Variants in ALK observed in about 807,000 individuals in gnomAD.
ALK encodes the protein ALK receptor tyrosine kinase.
Under a neutral mutation model 163.1 loss-of-function variants are expected in ALK, and 74 were observed. The ratio of observed to expected loss-of-function variants is 0.45; its 90% CI spans 0.38 to 0.55. The LOEUF (loss-of-function observed/expected upper bound fraction) is 0.55. Among genes scored for constraint, ALK ranks in the 20% least tolerant of loss-of-function variants. The pLI is 0.00. For synonymous variants in ALK, 960 were observed against 843.2 expected (o/e 1.14, Z -2.40); for missense variants, 2,063 against 2,105.3 (o/e 0.98, Z 0.39).
At chr2:29,804,445 C>T (rs1309848358) in intron 1 of ALK, among the ~76,000 whole-genome samples, 1 of 152,156 alleles carries the variant, frequency 6.6e-6, no homozygotes. Flanking sequence ...ACTTTCAAAC[C>T]CTCACCTCAT....
intron 3 of ALK, among the ~76,000 whole-genome samples, chr2:29,581,536 C>T (rs991548541): frequency 7.9e-5 from 12 of 152,328 alleles, no homozygotes; most frequent in South Asian, 4.1e-4. Flanking sequence ...ATATCCACTT[C>T]CCACCAGCTC....
rs542577748 is a variant in ALK at position 29,328,579 on chromosome 2, C to A, written c.1283-98G>T. On this transcript the variant is annotated intron_variant, in intron 5 of 28. Coordinates refer to ENST00000389048, the MANE Select transcript of ALK (RefSeq NM_004304.5). ...TCCCATGGGCAGGCTGCAGGGACAG[C>A]ATTATCCTGCCCTGCCATTCACACT... 7 of 1,484,962 alleles carry A rather than the reference C, an allele frequency of 4.7e-6. No homozygotes were observed. The African/African-American group carries it at 6.9e-5, about 15-fold the overall frequency. The allele number at this position is 1,484,962 out of a possible 1,614,324, so 92.0% of individuals were successfully genotyped here. A position where few individuals can be genotyped will look rare whatever the true frequency, so the allele number is the denominator to read the frequency against.
intron 2 of ALK, among the ~76,000 whole-genome samples, chr2:29,706,804 G>C (rs994279683): frequency 2.0e-5 from 3 of 152,192 alleles, no homozygotes; most frequent in African/African-American, 7.2e-5. Context: ...AGGTTAACTA[G>C]CTCAGCTTCT....
chr2:29,524,777 T>C (rs1051060540), intron 4 of ALK, among the ~76,000 whole-genome samples: 2 of 151,362 alleles, frequency 1.3e-5, no homozygotes, highest in Admixed American at 6.6e-5. Flanking sequence ...CAATGGATGA[T>C]AGATGGATTA....
chr2:29,759,369 G>C (rs1434217542), intron 1 of ALK, among the ~76,000 whole-genome samples: 1 of 152,196 alleles, frequency 6.6e-6, no homozygotes, highest in Admixed American at 6.5e-5. Context: ...AGACCTCCAT[G>C]AGGTACTAAG....
At chr2:29,408,120 T>A (rs77256313) in intron 4 of ALK, among the ~76,000 whole-genome samples, 18,535 of 149,560 alleles carry the variant, frequency 0.12, 1,452 homozygotes, top group East Asian at 0.26. Flanking sequence ...TCTCGCTCTG[T>A]CACCCAGGCT....
At position 29,374,102 on chromosome 2, in the gene ALK, C is replaced by G. The variant is rs570902329; in HGVS notation, c.1282+9630G>C. Reference sequence around the variant, plus strand: ...GCAGATGTGAACCTGTAAACATACCCCAGGATAGTTGTGCAGAATTATTCA... The same window carrying G: ...GCAGATGTGAACCTGTAAACATACCGCAGGATAGTTGTGCAGAATTATTCA... On this transcript the variant is annotated intron_variant, in intron 5 of 28. Coordinates refer to ENST00000389048, the MANE Select transcript of ALK (RefSeq NM_004304.5). Among the ~76,000 whole-genome samples, 8 of 152,210 alleles carry G rather than the reference C, an allele frequency of 5.3e-5. No homozygotes were observed. In the East Asian group the frequency reaches 1.4e-3, roughly 26 times the overall value.
chr2:29,300,546 C>T (rs1012921807), intron 8 of ALK, among the ~76,000 whole-genome samples: 2 of 90,700 alleles, frequency 2.2e-5, no homozygotes, highest in African/African-American at 7.7e-5. Flanking sequence ...CAGAGCAAGA[C>T]TCTGTCTCAA....
In ALK at chr2:29,223,299, A is replaced by G. The variant is rs1372934119; in HGVS notation, c.3359+43T>C. 3.7e-6 allele frequency: 6 copies of G among 1,608,034 alleles called. No homozygotes were observed. The African/African-American group carries it at 6.7e-5, about 18-fold the overall frequency. On this transcript the variant is annotated intron_variant, in intron 20 of 28. Transcript: ENST00000389048. The stretch of plus-strand genomic sequence containing the variant: ...GGTGCTGTGATAACATTCAGCCCCT[A>G]CACTGCACCCCTCTCCTCCCAGGAC...
intron 1 of ALK, among the ~76,000 whole-genome samples, chr2:29,857,119 A>G (rs539244363): frequency 7.2e-5 from 11 of 152,336 alleles, no homozygotes; most frequent in African/African-American, 2.6e-4. Flanking sequence ...CTTGTTTATA[A>G]ATAACCTAGA....
At position 29,920,266 on chromosome 2, in the gene ALK, C is replaced by T. The variant is rs1262491330; in HGVS notation, c.394G>A (p.Val132Met). Residue 132 changes from valine (V) to methionine (M), a missense_variant, in exon 1 of 29, where the codon GTG becomes ATG. Val to Met is a conservative substitution (Grantham distance 21). This residue lies in a region of ALK where 987 missense variants were observed against 939.5 expected (regional missense o/e 1.05). Coordinates refer to ENST00000389048, the MANE Select transcript of ALK (RefSeq NM_004304.5). ...TLSRVLKGGSVRKLRRAKQLV... is the reference protein window; with the variant it reads ...TLSRVLKGGSMRKLRRAKQLV... ...TGCTTGGCACGCCGGAGCTTGCGCA[C>T]GGAGCCGCCCTTCAGCACCCTGGAC... 6.3e-7 allele frequency: 1 copy of T among 1,597,400 alleles called. No homozygotes were observed. The highest frequency in any genetic ancestry group is 1.3e-5 in the African/African-American group (1 of 74,782).
intron 4 of ALK, among the ~76,000 whole-genome samples, chr2:29,463,741 G>A (rs1671140228): frequency 6.6e-6 from 1 of 152,190 alleles, no homozygotes; most frequent in Non-Finnish European, 1.5e-5. Flanking sequence ...TGAGTGTTCT[G>A]GAAATCTGTA....
intron 2 of ALK, among the ~76,000 whole-genome samples, chr2:29,710,703 G>C (rs764295221): frequency 6.6e-6 from 1 of 152,110 alleles, no homozygotes; most frequent in South Asian, 2.1e-4. Context: ...GTAGAGACAG[G>C]GTTTCACCAT....
At chr2:29,584,384 G>C (rs1457878882) in intron 3 of ALK, among the ~76,000 whole-genome samples, 2 of 152,166 alleles carry the variant, frequency 1.3e-5, no homozygotes, top group Non-Finnish European at 2.9e-5. Flanking sequence ...CAGGAATTTT[G>C]CAGTGAAATT....
chr2:29,823,477 G>A (rs972581053), intron 1 of ALK, among the ~76,000 whole-genome samples: 1 of 152,188 alleles, frequency 6.6e-6, no homozygotes, highest in Non-Finnish European at 1.5e-5. Context: ...ACTCCCTAAA[G>A]ACTTGTTGAA....
At chr2:29,739,410 T>C (rs994148703) in intron 1 of ALK, among the ~76,000 whole-genome samples, 3 of 151,618 alleles carry the variant, frequency 2.0e-5, no homozygotes, top group African/African-American at 7.3e-5. Flanking sequence ...ATACAAAAAT[T>C]AGCTGAGCGT....
At chr2:29,775,456 T>C (rs1681146296) in intron 1 of ALK, among the ~76,000 whole-genome samples, 2 of 151,806 alleles carry the variant, frequency 1.3e-5, no homozygotes, top group Non-Finnish European at 2.9e-5. Flanking sequence ...AATGAAGCCT[T>C]AGATGTTATA....
At position 29,192,996 on chromosome 2, in the gene ALK, T is replaced by A; in HGVS notation, c.*228A>T. ...ATGCAACCACATCTGGGCCTTGTAT[T>A]TATCACTCATTTTTATGATATTTTC... is the stretch of plus-strand genomic sequence containing the variant. On this transcript the variant is annotated 3_prime_UTR_variant, in exon 29 of 29. Transcript: ENST00000389048. 1.8e-6 allele frequency: 1 copy of A among 564,248 alleles called. No individual in the cohort carries two copies. Among genetic ancestry groups the A allele is most frequent in the East Asian group, 3.1e-5 (1 of 32,148 alleles). The allele number at this position is 564,248 out of a possible 1,614,324, so 35.0% of individuals were successfully genotyped here. A position where few individuals can be genotyped will look rare whatever the true frequency, so the allele number is the denominator to read the frequency against.
chr2:29,220,681 G>A (rs2148166188), intron 23 of ALK, 25 bp downstream of exon 23: 1 of 1,613,106 alleles, frequency 6.2e-7, no homozygotes, highest in South Asian at 1.1e-5. Flanking sequence ...CACAACAACT[G>A]CAGCAAAGAC....
Sources: allele counts gnomAD v4.1 joint callset (sites outside exome capture counted in the v4.1 genomes callset), GRCh38; gene constraint gnomAD v4.1.1; regional missense constraint gnomAD v4.1.1; transcripts MANE v1.5; gene names NCBI Gene and HGNC (gene_info 2026-07-23, HGNC 2026-07-21).